Variants in NTRK2 observed in about 807,000 individuals in gnomAD.
NTRK2 encodes neurotrophic receptor tyrosine kinase 2.
Under a neutral mutation model 94.5 loss-of-function variants are expected in NTRK2, and 13 were observed. That is an observed-to-expected ratio of 0.14 (90% CI 0.09 to 0.22). NTRK2 has a LOEUF of 0.22. NTRK2 is among the 10% of genes least tolerant of loss of function. The pLI is 1.00. For synonymous variants in NTRK2, 372 were observed against 407.4 expected, an observed-to-expected ratio of 0.91 and a Z score of 1.05; for missense variants, 639 against 1,071.2, an observed-to-expected ratio of 0.60 and a Z score of 5.63.
chr9:84,784,208 A>T (rs1464465752), intron 12 of NTRK2, among the ~76,000 whole-genome samples: 1 of 152,180 alleles, frequency 6.6e-6, no homozygotes, highest in Non-Finnish European at 1.5e-5. Flanking sequence ...CTGTCTTTAA[A>T]TTTTTTAAAT....
At chr9:84,739,849 G>C (rs1399100897) in intron 9 of NTRK2, among the ~76,000 whole-genome samples, 1 of 152,244 alleles carries the variant, frequency 6.6e-6, no homozygotes, top group East Asian at 1.9e-4. Flanking sequence ...GGGATGGTTG[G>C]CCACCCTACT....
At chr9:84,900,177 T>C (rs2132387469) in intron 14 of NTRK2, among the ~76,000 whole-genome samples, 1 of 152,288 alleles carries the variant, frequency 6.6e-6, no homozygotes, top group Admixed American at 6.5e-5. Context: ...CACTTCCCTA[T>C]AGCCATGATC....
Position 84,894,402 on chromosome 9 carries a change from G to A in NTRK2, c.1633+26971G>A, listed in dbSNP as rs1246101677. Among the ~76,000 whole-genome samples the A allele has an allele frequency of 2.0e-5, 3 of 152,156 alleles. No homozygotes were observed. In the East Asian group the frequency reaches 5.8e-4, roughly 29 times the overall value. ...ACATGGACTGCTGAACTAAGGCAAA[G>A]TTGAGCGACTCCTTTGACTTCTTGC... On this transcript the variant is annotated intron_variant, in intron 14 of 18. Coordinates refer to ENST00000277120, the MANE Select transcript of NTRK2 (RefSeq NM_006180.6).
intron 14 of NTRK2, among the ~76,000 whole-genome samples, chr9:84,926,161 CCTTCCTTCCTTTCTTTCTTTCTTTCTTT>C (rs1564471018): frequency 2.2e-3 from 142 of 63,780 alleles, no homozygotes; most frequent in East Asian, 5.1e-3. Flanking sequence ...TTCCTTCCTT[CCTTCCTTCCTTTCTTTCTTTCTTTCTTT>C]CTTTCTTTCT....
intron 12 of NTRK2, among the ~76,000 whole-genome samples, chr9:84,829,191 G>T (rs984764140): frequency 6.6e-6 from 1 of 152,008 alleles, no homozygotes; most frequent in Non-Finnish European, 1.5e-5. Context: ...TAGAGATGGG[G>T]TTTCGCCATA....
At chr9:84,941,909 C>T (rs1429406602) in intron 15 of NTRK2, among the ~76,000 whole-genome samples, 3 of 152,196 alleles carry the variant, frequency 2.0e-5, no homozygotes, top group African/African-American at 7.2e-5. Flanking sequence ...CAGAACTTAA[C>T]CTCCTGTTTC....
At chr9:84,946,146 T>C (rs1177975253) in intron 15 of NTRK2, among the ~76,000 whole-genome samples, 1 of 152,216 alleles carries the variant, frequency 6.6e-6, no homozygotes, top group African/African-American at 2.4e-5. Context: ...AGTGCTTTCA[T>C]TCCATTCCAA....
At chr9:84,900,526 C>T (rs2076895309) in intron 14 of NTRK2, among the ~76,000 whole-genome samples, 1 of 152,184 alleles carries the variant, frequency 6.6e-6, no homozygotes, top group African/African-American at 2.4e-5. Flanking sequence ...GAAGGGCTGG[C>T]ATCTGTGGTT....
intron 5 of NTRK2, 104 bp from the exon 6 acceptor site, chr9:84,710,533 A>G (rs1463695955): frequency 2.4e-6 from 3 of 1,243,448 alleles, no homozygotes; most frequent in Non-Finnish European, 3.5e-6. Context: ...ACTTCCAAGC[A>G]TTGCTGGCTA....
At chr9:84,888,979 G>C (rs2132279194) in intron 14 of NTRK2, among the ~76,000 whole-genome samples, 1 of 90,962 alleles carries the variant, frequency 1.1e-5, no homozygotes, top group Admixed American at 1.3e-4. Flanking sequence ...ATTAATGACA[G>C]AAATTTTTTT....
At chr9:84,745,693 G>A (rs983137995) in intron 11 of NTRK2, among the ~76,000 whole-genome samples, 1 of 152,274 alleles carries the variant, frequency 6.6e-6, no homozygotes, top group East Asian at 1.9e-4. Flanking sequence ...TTGGGATTTT[G>A]ACATACAGGA....
intron 12 of NTRK2, among the ~76,000 whole-genome samples, chr9:84,826,719 G>A (rs1163641721): frequency 6.6e-6 from 1 of 152,168 alleles, no homozygotes; most frequent in Non-Finnish European, 1.5e-5. Context: ...CGTAGATTGT[G>A]AGAATAAGTT....
In NTRK2 at chr9:85,021,597, A is replaced by G; in HGVS notation, c.*160A>G. ...GAAGCTCTCGAGGGAAGCAGTGTGT[A>G]CTTCTTCATCCATAGACACAGTATT... On this transcript the variant is annotated 3_prime_UTR_variant, in exon 19 of 19. Transcript: ENST00000277120. 1.4e-6 allele frequency: 1 copy of G among 727,382 alleles called. No homozygotes were observed. The highest frequency in any genetic ancestry group is 2.5e-6 in the Non-Finnish European group (1 of 406,120). 45.1% of individuals were successfully genotyped at this position (727,382 alleles called of 1,614,324 possible). A position where few individuals can be genotyped will look rare whatever the true frequency, so the allele number is the denominator to read the frequency against.
rs200397303 is a variant in NTRK2 at position 85,021,850 on chromosome 9, C to T, written c.*413C>T. On this transcript the variant is annotated 3_prime_UTR_variant, in exon 19 of 19. Coordinates refer to ENST00000277120, the MANE Select transcript of NTRK2 (RefSeq NM_006180.6). Reference sequence around the variant, plus strand: ...AGACACTCCAGTTTGCCCACCACAACTAACAATGCCTTGTTGTATTCCTGC... The same window carrying T: ...AGACACTCCAGTTTGCCCACCACAATTAACAATGCCTTGTTGTATTCCTGC... The T allele has an allele frequency of 3.4e-6, 1 of 290,818 alleles. No homozygotes were observed. Among genetic ancestry groups the T allele is most frequent in the South Asian group, 7.9e-5 (1 of 12,728 alleles). 18.0% of individuals were successfully genotyped at this position (290,818 alleles called of 1,614,324 possible). A position where few individuals can be genotyped will look rare whatever the true frequency, so the allele number is the denominator to read the frequency against.
At chr9:84,802,629 C>A (rs1429848824) in intron 12 of NTRK2, among the ~76,000 whole-genome samples, 1 of 152,224 alleles carries the variant, frequency 6.6e-6, no homozygotes. Flanking sequence ...TAATTTAACT[C>A]AAGTGAGGGG....
chr9:84,838,622 A>G (rs1223172715), intron 12 of NTRK2, among the ~76,000 whole-genome samples: 1 of 152,178 alleles, frequency 6.6e-6, no homozygotes, highest in African/African-American at 2.4e-5. Flanking sequence ...ACAGTCATAG[A>G]ATACAACATG....
chr9:84,677,100 T>A (rs1415120507), intron 2 of NTRK2, among the ~76,000 whole-genome samples: 1 of 152,150 alleles, frequency 6.6e-6, no homozygotes, highest in Non-Finnish European at 1.5e-5. Context: ...TGCTGGGCCA[T>A]CTTTGCAGAT....
At chr9:84,983,581 T>G (rs1267901795) in intron 17 of NTRK2, among the ~76,000 whole-genome samples, 2 of 152,204 alleles carry the variant, frequency 1.3e-5, no homozygotes, top group African/African-American at 4.8e-5. Flanking sequence ...TGATCAAAAG[T>G]GCTCTTCAAT....
chr9:84,859,197 T>C (rs2075213853), intron 12 of NTRK2, among the ~76,000 whole-genome samples: 1 of 152,158 alleles, frequency 6.6e-6, no homozygotes, highest in African/African-American at 2.4e-5. Context: ...GGGCACACGA[T>C]GGGAGGGGAA....
Sources: allele counts gnomAD v4.1 joint callset (sites outside exome capture counted in the v4.1 genomes callset), GRCh38; gene constraint gnomAD v4.1.1; transcripts MANE v1.5; gene names NCBI Gene and HGNC (gene_info 2026-07-23, HGNC 2026-07-21).